Variants in OCM observed in about 807,000 individuals in gnomAD.
OCM encodes oncomodulin, also known as oncomodulin-1.
A neutral mutation model predicts 14.1 loss-of-function variants in OCM; 18 were observed. That is an observed-to-expected ratio of 1.28 (90% CI 0.88 to 1.89). OCM has a LOEUF of 1.89. OCM is among the 40% of genes most tolerant of loss of function. OCM has a pLI of 0.00. For missense variants in OCM, 140 were observed against 137.6 expected, an observed-to-expected ratio of 1.02 and a Z score of -0.09; for synonymous variants, 48 against 51.0, an observed-to-expected ratio of 0.94 and a Z score of 0.25.
the OCM span, among the ~76,000 whole-genome samples, chr7:5,872,911 T>A: frequency 1.3e-5 from 2 of 150,742 alleles, no homozygotes; most frequent in African/African-American, 4.9e-5. Flanking sequence ...TGAAAAAAAA[T>A]GGATGATGGG....
chr7:5,873,264 C>G, the OCM span, among the ~76,000 whole-genome samples: 1 of 151,982 alleles, frequency 6.6e-6, no homozygotes, highest in Non-Finnish European at 1.5e-5. Flanking sequence ...TAAATCCAAG[C>G]TACTTGGGAG....
At chr7:5,874,087 G>T in the OCM span, among the ~76,000 whole-genome samples, 4 of 150,992 alleles carry the variant, frequency 2.6e-5, no homozygotes, top group African/African-American at 9.7e-5. Context: ...AGCCAGTCAT[G>T]GTGGTGGGCA....
the OCM span, among the ~76,000 whole-genome samples, chr7:5,868,451 C>T: frequency 6.6e-6 from 1 of 152,074 alleles, no homozygotes; most frequent in East Asian, 1.9e-4. Context: ...CCGGCCACTC[C>T]CATCTTTATT....
chr7:5,869,898 C>T, the OCM span, among the ~76,000 whole-genome samples: 2,560 of 152,234 alleles, frequency 0.017, 71 homozygotes, highest in African/African-American at 0.058. Context: ...AGGACAAGAG[C>T]ACAGAGGCCC....
the OCM span, among the ~76,000 whole-genome samples, chr7:5,859,755 T>G: frequency 6.6e-6 from 1 of 152,194 alleles, no homozygotes; most frequent in South Asian, 2.1e-4. Flanking sequence ...TGGAGTGCAA[T>G]GGCGTGATCT....
chr7:5,862,918 T>TA, the OCM span, among the ~76,000 whole-genome samples: 26,850 of 151,472 alleles, frequency 0.18, 2,693 homozygotes, highest in East Asian at 0.33. Context: ...TTATCTTATG[T>TA]AAAATGTAGA....
At chr7:5,870,195 C>A in the OCM span, among the ~76,000 whole-genome samples, 1 of 152,228 alleles carries the variant, frequency 6.6e-6, no homozygotes, top group Admixed American at 6.5e-5. Context: ...CAGCCTTGAT[C>A]TCCCAGGCTG....
the OCM span, among the ~76,000 whole-genome samples, chr7:5,869,649 C>T: frequency 6.6e-6 from 1 of 152,080 alleles, no homozygotes; most frequent in Non-Finnish European, 1.5e-5. Context: ...GTATCCTCCC[C>T]TATGATCTCA....
the OCM span, among the ~76,000 whole-genome samples, chr7:5,868,719 G>A: frequency 1.3e-5 from 2 of 152,136 alleles, no homozygotes; most frequent in Non-Finnish European, 2.9e-5. Flanking sequence ...CGTGAAGTCT[G>A]ACACCCATAA....
Position 5,882,700 on chromosome 7 carries a change from T to C in OCM, c.194+75T>C, listed in dbSNP as rs548181463. 1.8e-4 allele frequency: 286 copies of C among 1,554,618 alleles called. 1 individual carries two copies. The African/African-American group carries it at 3.7e-3, about 20-fold the overall frequency. Reference sequence around the variant, plus strand: ...TGGGGTGCAGTGGGGGCCAGGTTGCTCAGTATTTCTTCAATGGCCAGCCTT... The same window carrying C: ...TGGGGTGCAGTGGGGGCCAGGTTGCCCAGTATTTCTTCAATGGCCAGCCTT... On this transcript the variant is annotated intron_variant, in intron 2 of 3. Coordinates refer to ENST00000242104, the MANE Select transcript of OCM (RefSeq NM_001097622.2).
At chr7:5,879,545 C>G (rs1393135934), upstream of OCM, among the ~76,000 whole-genome samples, 2 of 152,066 alleles carry the variant, frequency 1.3e-5, no homozygotes, top group African/African-American at 4.8e-5. Flanking sequence ...TCAGGGGAGC[C>G]TTTTCAGCTT....
At chr7:5,864,346 CAA>C in the OCM span, among the ~76,000 whole-genome samples, 113 of 121,638 alleles carry the variant, frequency 9.3e-4, no homozygotes, top group East Asian at 1.1e-3. Flanking sequence ...GACCTTGTCT[CAA>C]AAAAAAAAAA....
chr7:5,866,925 A>T, the OCM span, among the ~76,000 whole-genome samples: 1 of 152,190 alleles, frequency 6.6e-6, no homozygotes, highest in Non-Finnish European at 1.5e-5. Context: ...TATATTTTCC[A>T]ATTTACAAAA....
chr7:5,872,135 T>C, the OCM span: 2 of 152,142 alleles, frequency 1.3e-5, no homozygotes, highest in African/African-American at 4.8e-5. Flanking sequence ...TCCACACCTA[T>C]CGTAGGTCAC....
the OCM span, among the ~76,000 whole-genome samples, chr7:5,874,065 A>AT: frequency 0.019 from 2,343 of 120,960 alleles, 57 homozygotes; most frequent in African/African-American, 0.057. Flanking sequence ...AAAATAAAAA[A>AT]AAAAAAAAAT....
At chr7:5,876,398 A>T (rs187757477), upstream of OCM, among the ~76,000 whole-genome samples, 1 of 151,776 alleles carries the variant, frequency 6.6e-6, no homozygotes, top group African/African-American at 2.4e-5. Flanking sequence ...CAATCCTCCC[A>T]CCTTGGCCTC....
upstream of OCM, among the ~76,000 whole-genome samples, chr7:5,877,468 CAAATAA>C (rs983379115): frequency 6.6e-6 from 1 of 151,676 alleles, no homozygotes; most frequent in Non-Finnish European, 1.5e-5. Context: ...GTCTCAAAAA[CAAATAA>C]AAATAAAAAT....
rs192707663 is a variant in OCM, at chr7:5,886,170, A to G, written c.*81A>G. 5,379 of 1,328,320 alleles carry G rather than the reference A, an allele frequency of 4.0e-3. 194 individuals carry two copies. In the African/African-American group the frequency reaches 0.069, roughly 17 times the overall value. 82.3% of individuals were successfully genotyped at this position (1,328,320 alleles called of 1,614,324 possible). A position where few individuals can be genotyped will look rare whatever the true frequency, so the allele number is the denominator to read the frequency against. ...AAGCCCTGGGAATGGGGAACCCCAC[A>G]TCCCATCCCTACCTAATTTGTTAAT... On this transcript the variant is annotated 3_prime_UTR_variant, in exon 4 of 4. Transcript: ENST00000242104.
chr7:5,874,284 T>C, the OCM span, among the ~76,000 whole-genome samples: 1 of 149,022 alleles, frequency 6.7e-6, no homozygotes, highest in Non-Finnish European at 1.5e-5. Context: ...TCCTATTCTT[T>C]CCTGGGAGCA....
Sources: gnomAD v4.1 joint callset for allele counts (sites outside exome capture counted in the v4.1 genomes callset) on GRCh38, gnomAD v4.1.1 for gene constraint, MANE v1.5 for transcripts, NCBI Gene and HGNC (gene_info 2026-07-23, HGNC 2026-07-21) for gene names.